The following ECE1 variants were observed in gnomAD, a reference collection of about 807,000 sequenced individuals.
ECE1 encodes endothelin converting enzyme 1.
ECE1 carries 35 observed loss-of-function variants against 98.6 expected under a neutral mutation model. The observed-to-expected ratio is 0.35, with a 90% CI of 0.27 to 0.47. The LOEUF (loss-of-function observed/expected upper bound fraction) is 0.47, where lower values mean the gene tolerates loss of function less well. Among genes scored for constraint, ECE1 ranks in the 20% least tolerant of loss-of-function variants. ECE1 has a pLI of 1.00. For missense variants in ECE1, 814 were observed against 1,025.3 expected, an observed-to-expected ratio of 0.79 and a Z score of 2.81; for synonymous variants, 394 against 407.1, an observed-to-expected ratio of 0.97 and a Z score of 0.39.
chr1:21,278,006 C>A (rs992532170), intron 3 of ECE1, among the ~76,000 whole-genome samples: 1 of 152,168 alleles, frequency 6.6e-6, no homozygotes, highest in African/African-American at 2.4e-5. Flanking sequence ...CCTCACAGAC[C>A]AGCAACTTCA....
Position 21,263,514 on chromosome 1 carries a change from G to A in ECE1, c.494-3122C>T, listed in dbSNP as rs1425389380. On this transcript the variant is annotated intron_variant, in intron 4 of 18. Transcript: ENST00000374893. ...TGGGACTACAGGCGTGTACCACCAC[G>A]CCTGGCTAATTTTTGTATTTTTAGT... is the stretch of plus-strand genomic sequence containing the variant. Among the ~76,000 whole-genome samples, 6 of 152,032 alleles carry A rather than the reference G, an allele frequency of 3.9e-5. 1 individual carries two copies. The highest frequency in any genetic ancestry group is 4.1e-4 in the South Asian group (2 of 4,822).
chr1:21,261,044 A>T (rs2103295976), intron 4 of ECE1, among the ~76,000 whole-genome samples: 1 of 152,238 alleles, frequency 6.6e-6, no homozygotes, highest in Admixed American at 6.5e-5. Context: ...CCTGGTCCAG[A>T]TGCCACCTGC....
At chr1:21,228,135 G>A (rs1488063307) in intron 14 of ECE1, 94 bp from the exon 15 acceptor site, 2 of 990,882 alleles carry the variant, frequency 2.0e-6, no homozygotes, top group Non-Finnish European at 3.0e-6. Context: ...CGGGAATAAG[G>A]GCATTAAAAA....
At chr1:21,262,908 G>C (rs1388001171) in intron 4 of ECE1, among the ~76,000 whole-genome samples, 2 of 152,202 alleles carry the variant, frequency 1.3e-5, no homozygotes, top group Non-Finnish European at 1.5e-5. Context: ...GCCGGGTGTG[G>C]GGGACAGTGG....
intron 16 of ECE1, among the ~76,000 whole-genome samples, chr1:21,226,196 C>T (rs771820352): frequency 1.4e-4 from 22 of 152,170 alleles, no homozygotes; most frequent in African/African-American, 4.6e-4. Flanking sequence ...ACTGATTCAA[C>T]GCCCCCTGAC....
At position 21,225,538 on chromosome 1, in the gene ECE1, A is replaced by AC. The variant is rs1281644665; in HGVS notation, c.1850-99dup. ...CTGGTGAGAAGCGGTTCATCCGTCC[A>AC]CCCCCGTCCTCCAGCCACCATGGGG... On this transcript the variant is annotated intron_variant, in intron 16 of 18. Transcript: ENST00000374893. This position sits in a 1 kb window ranked among gnomAD's most constrained non-coding sequence, Gnocchi z 5.3. The AC allele has an allele frequency of 2.1e-6, 3 of 1,405,230 alleles. No homozygotes were observed. Among genetic ancestry groups the AC allele is most frequent in the Middle Eastern group, 3.8e-4 (2 of 5,318 alleles). 87.0% of individuals were successfully genotyped at this position (1,405,230 alleles called of 1,614,324 possible). A position where few individuals can be genotyped will look rare whatever the true frequency, so the allele number is the denominator to read the frequency against.
At chr1:21,222,270 TTC>T (rs2098168458) in intron 17 of ECE1, among the ~76,000 whole-genome samples, 1 of 152,090 alleles carries the variant, frequency 6.6e-6, no homozygotes, top group Admixed American at 6.6e-5. Flanking sequence ...TCTTCAATTC[TTC>T]TCTTTCTCTC....
rs1169074838 is a variant in ECE1 at position 21,260,250 on chromosome 1, G to C, written c.615+21C>G. On this transcript the variant is annotated intron_variant, in intron 5 of 18. Transcript: ENST00000374893. The surrounding 1 kb of genome is among the most constrained non-coding windows in gnomAD (Gnocchi z 4.3). ...GGTGGCATGGGCCGGGGCTTGGGGA[G>C]GGAGAGCCCGAGGCACTCACCCTCT... 6.2e-7 allele frequency: 1 copy of C among 1,614,114 alleles called. No individual in the cohort carries two copies. The highest frequency in any genetic ancestry group is 1.3e-5 in the African/African-American group (1 of 74,954).
At chr1:21,283,903 G>A (rs559181002) in intron 2 of ECE1, among the ~76,000 whole-genome samples, 14 of 152,218 alleles carry the variant, frequency 9.2e-5, no homozygotes, top group East Asian at 1.9e-4. Context: ...TTGTACTATC[G>A]GCTACGGGCC....
chr1:21,255,915 C>CT (rs778056509), intron 8 of ECE1, 32 bp downstream of exon 8: 1 of 1,611,550 alleles, frequency 6.2e-7, no homozygotes, highest in South Asian at 1.1e-5. Context: ...GGAGGCCATC[C>CT]CAGCCTCCCT....
intron 1 of ECE1, among the ~76,000 whole-genome samples, chr1:21,315,948 A>G (rs1359134708): frequency 2.6e-5 from 4 of 152,128 alleles, no homozygotes; most frequent in African/African-American, 7.2e-5. Flanking sequence ...GACCTTAAGA[A>G]TGGGACTTAA....
intron 8 of ECE1, among the ~76,000 whole-genome samples, chr1:21,251,624 A>G (rs1295677321): frequency 3.9e-5 from 6 of 152,216 alleles, no homozygotes. Context: ...AGATGTGCGC[A>G]GCGGACTTGG....
chr1:21,227,494 C>G (rs977090051), intron 15 of ECE1, among the ~76,000 whole-genome samples: 1 of 152,204 alleles, frequency 6.6e-6, no homozygotes, highest in African/African-American at 2.4e-5. Flanking sequence ...CCTCTTCAGT[C>G]ATTGCGAAAG....
intron 1 of ECE1, among the ~76,000 whole-genome samples, chr1:21,323,288 C>T (rs921541364): frequency 2.0e-4 from 30 of 152,220 alleles, no homozygotes; most frequent in Non-Finnish European, 3.4e-4. Flanking sequence ...CAGCTGGAAC[C>T]GGCGGGGGGA....
intron 1 of ECE1, among the ~76,000 whole-genome samples, chr1:21,309,952 CG>C (rs1638682041): frequency 6.6e-6 from 1 of 152,048 alleles, no homozygotes; most frequent in African/African-American, 2.4e-5. Context: ...CCACCACACC[CG>C]GCTATTTCTT....
At chr1:21,268,098 G>A (rs1008797830) in intron 4 of ECE1, among the ~76,000 whole-genome samples, 13 of 152,342 alleles carry the variant, frequency 8.5e-5, no homozygotes, top group African/African-American at 2.6e-4. Flanking sequence ...CAGTGTACTT[G>A]TAGCTCAAGC....
intron 1 of ECE1, among the ~76,000 whole-genome samples, chr1:21,338,317 C>T (rs973538544): frequency 3.9e-5 from 6 of 152,192 alleles, no homozygotes; most frequent in African/African-American, 1.4e-4. Context: ...TTCAGAGAAT[C>T]GCAAAATGTT....
chr1:21,333,321 C>T (rs1283961841), intron 1 of ECE1, among the ~76,000 whole-genome samples: 1 of 150,440 alleles, frequency 6.6e-6, no homozygotes, highest in Non-Finnish European at 1.5e-5. Flanking sequence ...ACAGCTCCAG[C>T]CCACCAGAGC....
At chr1:21,329,457 T>C (rs1639149381) in intron 1 of ECE1, among the ~76,000 whole-genome samples, 1 of 152,208 alleles carries the variant, frequency 6.6e-6, no homozygotes, top group South Asian at 2.1e-4. Context: ...TGCAGTTAGA[T>C]TGAGGTGCAA....
Sources: allele counts gnomAD v4.1 joint callset (sites outside exome capture counted in the v4.1 genomes callset), GRCh38; gene constraint gnomAD v4.1.1; non-coding constraint Gnocchi (gnomAD v3.1); transcripts MANE v1.5; gene names NCBI Gene and HGNC (gene_info 2026-07-23, HGNC 2026-07-21).